PRPF18: variants seen among roughly 807,000 people sequenced by gnomAD.
PRPF18 encodes the protein pre-mRNA-splicing factor 18.
A neutral mutation model predicts 46.5 loss-of-function variants in PRPF18; 38 were observed. The observed-to-expected ratio is 0.82, with a 90% CI of 0.63 to 1.07. The LOEUF (loss-of-function observed/expected upper bound fraction) is 1.07, where lower values mean the gene tolerates loss of function less well. Among genes scored for constraint, PRPF18 ranks in the 50% least tolerant of loss-of-function variants. The pLI is 0.00. For synonymous variants in PRPF18, 152 were observed against 146.7 expected, an observed-to-expected ratio of 1.04 and a Z score of -0.26; for missense variants, 263 against 410.0, an observed-to-expected ratio of 0.64 and a Z score of 3.10.
chr10:13,609,849 C>T (rs3814661), intron 4 of PRPF18, among the ~76,000 whole-genome samples, 190 bp from the exon 5 acceptor site: 48,112 of 151,952 alleles, frequency 0.32, 8,931 homozygotes, highest in East Asian at 0.74. Flanking sequence ...TAAATAGGTC[C>T]GTAAGAATTA....
chr10:13,596,907 T>C (rs2133269490), intron 1 of PRPF18, among the ~76,000 whole-genome samples: 1 of 152,106 alleles, frequency 6.6e-6, no homozygotes, highest in Non-Finnish European at 1.5e-5. Context: ...CCTTAAATCA[T>C]TTTTTAAATA....
At chr10:13,587,782 C>G (rs1448205506) in intron 1 of PRPF18, among the ~76,000 whole-genome samples, 2 of 152,224 alleles carry the variant, frequency 1.3e-5, no homozygotes, top group Admixed American at 1.3e-4. Flanking sequence ...GGAGTGCTTT[C>G]TCGCGTTCAT....
chr10:13,625,396 A>T (rs1032157839), intron 9 of PRPF18, among the ~76,000 whole-genome samples: 2 of 152,252 alleles, frequency 1.3e-5, no homozygotes, highest in Non-Finnish European at 2.9e-5. Context: ...GAGAATCAAA[A>T]TGAACTCTTA....
chr10:13,590,927 C>T (rs757822188), intron 1 of PRPF18, among the ~76,000 whole-genome samples: 3 of 152,176 alleles, frequency 2.0e-5, no homozygotes, highest in Admixed American at 6.5e-5. Flanking sequence ...TAACAAAGCA[C>T]TGGAAAATTA....
At chr10:13,652,370 A>C in the PRPF18 span, 4 of 214,618 alleles carry the variant, frequency 1.9e-5, no homozygotes, top group Non-Finnish European at 3.7e-5. Context: ...GAGCCTGTTG[A>C]CAGCCAAATA....
At chr10:13,655,239 G>A in the PRPF18 span, 1 of 152,118 alleles carries the variant, frequency 6.6e-6, no homozygotes, top group Non-Finnish European at 1.5e-5. Context: ...AACAATTTTA[G>A]TCTAAAATAT....
At chr10:13,633,238 G>A (rs1314430209), downstream of PRPF18, among the ~76,000 whole-genome samples, 3 of 152,174 alleles carry the variant, frequency 2.0e-5, no homozygotes, top group East Asian at 1.9e-4. Context: ...GGCAGCTGTC[G>A]CTAAGAATGG....
the PRPF18 span, chr10:13,652,000 A>G: frequency 9.4e-6 from 12 of 1,282,250 alleles, no homozygotes; most frequent in Middle Eastern, 1.8e-4. Context: ...CAGGAGGAGG[A>G]AGAGAAGAGA....
intron 9 of PRPF18, among the ~76,000 whole-genome samples, chr10:13,628,145 G>A (rs1204384130): frequency 3.3e-5 from 5 of 152,176 alleles, no homozygotes; most frequent in African/African-American, 1.2e-4. Flanking sequence ...ACAAAAAGGA[G>A]CCAAGTGAAT....
downstream of PRPF18, among the ~76,000 whole-genome samples, chr10:13,633,350 C>A (rs993590698): frequency 5.9e-5 from 9 of 152,292 alleles, no homozygotes; most frequent in African/African-American, 2.2e-4. Context: ...GCTCTGCCTT[C>A]TGGTGATATC....
chr10:13,655,790 T>A, the PRPF18 span: 9 of 152,226 alleles, frequency 5.9e-5, no homozygotes, highest in African/African-American at 2.2e-4. Flanking sequence ...TTTATTCTTA[T>A]GATGTTTACC....
chr10:13,635,380 G>A (rs1229274256), downstream of PRPF18, among the ~76,000 whole-genome samples: 1 of 152,144 alleles, frequency 6.6e-6, no homozygotes, highest in Admixed American at 6.5e-5. Context: ...CTTTATAATA[G>A]AATGATTTAT....
At chr10:13,608,840 C>T (rs1389384418) in intron 4 of PRPF18, among the ~76,000 whole-genome samples, 2 of 152,188 alleles carry the variant, frequency 1.3e-5, no homozygotes, top group East Asian at 1.9e-4. Flanking sequence ...GGATTCCATT[C>T]CTGGATTATA....
chr10:13,625,214 A>G (rs1451801021), intron 9 of PRPF18, among the ~76,000 whole-genome samples: 2 of 152,068 alleles, frequency 1.3e-5, no homozygotes, highest in Admixed American at 6.6e-5. Flanking sequence ...CCTATTCAGG[A>G]GGCTGAGGTA....
intron 1 of PRPF18, chr10:13,591,905 G>C (rs754585765): frequency 3.6e-5 from 50 of 1,380,964 alleles, no homozygotes; most frequent in Non-Finnish European, 4.7e-5. Flanking sequence ...CTGGTTCGCA[G>C]TTTTCTCACG....
In PRPF18 at chr10:13,630,523, G is replaced by C. The variant is rs1168413464; in HGVS notation, c.*183G>C. 3 of 395,360 alleles carry C rather than the reference G, an allele frequency of 7.6e-6. No homozygotes were observed. Among genetic ancestry groups the C allele is most frequent in the African/African-American group, 6.2e-5 (3 of 48,330 alleles). 24.5% of individuals were successfully genotyped at this position (395,360 alleles called of 1,614,324 possible). A position where few individuals can be genotyped will look rare whatever the true frequency, so the allele number is the denominator to read the frequency against. On this transcript the variant is annotated 3_prime_UTR_variant, in exon 10 of 10. Coordinates refer to ENST00000378572, the MANE Select transcript of PRPF18 (RefSeq NM_003675.4). Reference sequence around the variant, plus strand: ...GCCTTCATTTCATATCTGACTGCAAGCTGATTTTTCTTTCTTGCTTTCATT... The same window carrying C: ...GCCTTCATTTCATATCTGACTGCAACCTGATTTTTCTTTCTTGCTTTCATT...
At chr10:13,640,020 C>T in the PRPF18 span, 3 of 152,222 alleles carry the variant, frequency 2.0e-5, no homozygotes, top group African/African-American at 7.2e-5. Context: ...CTTCATCTCT[C>T]CACTCAAAGA....
chr10:13,598,933 T>G (rs1241379554), intron 2 of PRPF18, among the ~76,000 whole-genome samples: 1 of 152,192 alleles, frequency 6.6e-6, no homozygotes, highest in Non-Finnish European at 1.5e-5. Flanking sequence ...TTTTTTGTTT[T>G]TATAGAGGAA....
At chr10:13,589,852 T>C (rs908612171) in intron 1 of PRPF18, among the ~76,000 whole-genome samples, 2 of 152,108 alleles carry the variant, frequency 1.3e-5, no homozygotes, top group Admixed American at 1.3e-4. Flanking sequence ...TAGAATGCTG[T>C]TTGGTAGGTA....
Sources: gnomAD v4.1 joint callset for allele counts (sites outside exome capture counted in the v4.1 genomes callset) on GRCh38, gnomAD v4.1.1 for gene constraint, MANE v1.5 for transcripts, NCBI Gene and HGNC (gene_info 2026-07-23, HGNC 2026-07-21) for gene names.